DPP6: variants seen among roughly 807,000 people sequenced by gnomAD.
DPP6 encodes the protein A-type potassium channel modulatory protein DPP6.
DPP6 carries 69 observed loss-of-function variants against 122.6 expected under a neutral mutation model. The observed-to-expected ratio is 0.56, with a 90% CI of 0.46 to 0.69. The LOEUF is 0.69. Ranked by LOEUF, DPP6 falls within the 30% of genes least tolerant of loss-of-function variation. DPP6 has a pLI of 0.00. For synonymous variants in DPP6, 418 were observed against 433.1 expected (o/e 0.97, Z 0.43); for missense variants, 928 against 1,116.9 (o/e 0.83, Z 2.41).
intron 1 of DPP6, among the ~76,000 whole-genome samples, chr7:154,300,780 T>G (rs999922962): frequency 3.3e-5 from 5 of 152,198 alleles, no homozygotes; most frequent in African/African-American, 1.2e-4. Flanking sequence ...CTCACTTCCC[T>G]CATAAATGAA....
chr7:154,422,479 T>G, intron 1 of DPP6, among the ~76,000 whole-genome samples: 1 of 152,128 alleles, frequency 6.6e-6, no homozygotes, highest in Non-Finnish European at 1.5e-5. Flanking sequence ...ACTAATAAAA[T>G]TAATAGGCTA....
chr7:154,161,269 G>A (rs1386557364), intron 1 of DPP6, among the ~76,000 whole-genome samples: 1 of 152,256 alleles, frequency 6.6e-6, no homozygotes, highest in Non-Finnish European at 1.5e-5. Flanking sequence ...GGCTGAGGCA[G>A]GTGGATCACG....
At chr7:154,811,227 A>G (rs1799040244) in intron 16 of DPP6, among the ~76,000 whole-genome samples, 1 of 152,228 alleles carries the variant, frequency 6.6e-6, no homozygotes, top group South Asian at 2.1e-4. Flanking sequence ...GAAAAGGTTT[A>G]AATTTACAAA....
At position 154,566,919 on chromosome 7, in the gene DPP6, G is replaced by A. The variant is rs771329076; in HGVS notation, c.627+3G>A. On this transcript the variant is annotated splice_donor_region_variant and intron_variant, in intron 5 of 25. Coordinates refer to ENST00000377770, the MANE Select transcript of DPP6 (RefSeq NM_130797.4). Reference sequence around the variant, plus strand: ...TTTTTTCATACAATGTGGAACCCGTGAGTATTATCCTTTACTGCCTACAAA... The same window carrying A: ...TTTTTTCATACAATGTGGAACCCGTAAGTATTATCCTTTACTGCCTACAAA... 16 of 1,596,522 alleles carry A rather than the reference G, an allele frequency of 1.0e-5. No homozygotes were observed. The highest frequency in any genetic ancestry group is 1.2e-5 in the Non-Finnish European group (14 of 1,165,392).
chr7:154,265,395 A>G (rs79826291), intron 1 of DPP6, among the ~76,000 whole-genome samples: 2 of 152,334 alleles, frequency 1.3e-5, no homozygotes, highest in African/African-American at 2.4e-5. Flanking sequence ...GCCTCTCAGG[A>G]CATGTTTCTG....
chr7:154,474,960 A>G lies in DPP6; in HGVS notation c.380A>G (p.Gln127Arg), dbSNP rs759794958. 6.2e-7 allele frequency: 1 copy of G among 1,613,664 alleles called. No homozygotes were observed. The highest frequency in any genetic ancestry group is 8.5e-7 in the Non-Finnish European group (1 of 1,179,682). Residue 127 changes from glutamine to arginine, a missense_variant, in exon 3 of 26, where the codon CAA (glutamine) becomes CGA (arginine). Physicochemically the swap from Gln to Arg is conservative, Grantham distance 43. Transcript: ENST00000377770. ...CTAGCGGAAGATAATAGTCTGTCTCAAAAGAAGAAGGTCACTGTAGAAGAT... is the reference window on the plus strand; with the variant it reads ...CTAGCGGAAGATAATAGTCTGTCTCGAAAGAAGAAGGTCACTGTAGAAGAT... ...LTPAEDNSLS[Q>R]KKKVTVEDLF...
At chr7:154,648,690 T>G (rs942052500) in intron 6 of DPP6, among the ~76,000 whole-genome samples, 1 of 151,962 alleles carries the variant, frequency 6.6e-6, no homozygotes, top group African/African-American at 2.4e-5. Context: ...GAGGCCAAGG[T>G]GGGTGGATCA....
intron 1 of DPP6, among the ~76,000 whole-genome samples, chr7:154,174,590 C>G (rs546017334): frequency 3.3e-5 from 5 of 152,186 alleles, no homozygotes; most frequent in South Asian, 2.1e-4. Context: ...TGCTCACAGA[C>G]CTGCCTGGAA....
chr7:154,095,356 T>C (rs935243025), intron 1 of DPP6: 10 of 142,690 alleles, frequency 7.0e-5, no homozygotes, highest in Admixed American at 5.7e-4. Context: ...CCCACTACCG[T>C]AACTGTGACA....
the DPP6 span, among the ~76,000 whole-genome samples, chr7:153,775,796 G>T: frequency 6.6e-6 from 1 of 152,050 alleles, no homozygotes; most frequent in East Asian, 1.9e-4. Flanking sequence ...AGTGCATATG[G>T]TAATTCAAAG....
At chr7:154,773,151 G>A (rs1796347650) in intron 10 of DPP6, among the ~76,000 whole-genome samples, 1 of 152,138 alleles carries the variant, frequency 6.6e-6, no homozygotes, top group Non-Finnish European at 1.5e-5. Context: ...TTTTACCTTA[G>A]GTCAGATGCA....
At chr7:153,759,875 A>C in the DPP6 span, among the ~76,000 whole-genome samples, 1 of 152,058 alleles carries the variant, frequency 6.6e-6, no homozygotes, top group Non-Finnish European at 1.5e-5. Context: ...CTATTTCTGC[A>C]AATATTTCCC....
At chr7:154,067,846 G>A (rs1003615250) in intron 1 of DPP6, among the ~76,000 whole-genome samples, 1 of 151,754 alleles carries the variant, frequency 6.6e-6, no homozygotes, top group Middle Eastern at 3.2e-3. Context: ...CTGGGCTCAA[G>A]CGATCTTCCT....
chr7:154,625,573 C>T (rs1475895287), intron 5 of DPP6, among the ~76,000 whole-genome samples: 1 of 152,160 alleles, frequency 6.6e-6, no homozygotes, highest in Non-Finnish European at 1.5e-5. Context: ...AGGAAGAGAA[C>T]CAGCTGTGCA....
At chr7:153,800,607 C>T in the DPP6 span, among the ~76,000 whole-genome samples, 1 of 152,114 alleles carries the variant, frequency 6.6e-6, no homozygotes, top group Non-Finnish European at 1.5e-5. Context: ...ACCTCCACCT[C>T]CCAGGTTCAA....
intron 5 of DPP6, among the ~76,000 whole-genome samples, chr7:154,623,665 G>A (rs1057300427): frequency 6.6e-6 from 1 of 150,866 alleles, no homozygotes; most frequent in South Asian, 2.1e-4. Context: ...GCACACACAC[G>A]CACACACACA....
intron 5 of DPP6, among the ~76,000 whole-genome samples, chr7:154,581,855 C>T (rs1339841305): frequency 6.6e-6 from 1 of 152,166 alleles, no homozygotes; most frequent in Non-Finnish European, 1.5e-5. Context: ...CCCGGGGTTA[C>T]CGAAAAGGCC....
chr7:153,867,202 T>C, the DPP6 span, among the ~76,000 whole-genome samples: 4 of 152,214 alleles, frequency 2.6e-5, no homozygotes, highest in East Asian at 5.8e-4. Flanking sequence ...AATTGGTAGC[T>C]TGAGGGGGAT....
intron 1 of DPP6, among the ~76,000 whole-genome samples, chr7:153,934,185 T>C (rs1483320288): frequency 6.6e-6 from 1 of 151,960 alleles, no homozygotes; most frequent in Non-Finnish European, 1.5e-5. Flanking sequence ...GCACCTTTTG[T>C]TTTTCCCTGT....
Sources: allele counts gnomAD v4.1 joint callset (sites outside exome capture counted in the v4.1 genomes callset), GRCh38; gene constraint gnomAD v4.1.1; transcripts MANE v1.5; gene names NCBI Gene and HGNC (gene_info 2026-07-23, HGNC 2026-07-21).